DPP6: variants seen among roughly 807,000 people sequenced by gnomAD.
The protein encoded by DPP6 is dipeptidyl peptidase like 6.
In DPP6, 69 loss-of-function variants were observed where a neutral mutation model predicts 122.6. That is an observed-to-expected ratio of 0.56 (90% confidence interval 0.46 to 0.69). DPP6 has a LOEUF of 0.69. Among genes scored for constraint, DPP6 ranks in the 30% least tolerant of loss-of-function variants. The pLI is 0.00. For missense variants in DPP6, 928 were observed against 1,116.9 expected, an observed-to-expected ratio of 0.83 and a Z score of 2.41; for synonymous variants, 418 against 433.1, an observed-to-expected ratio of 0.97 and a Z score of 0.43.
chr7:154,051,868 C>A (rs2129061810), upstream of DPP6, among the ~76,000 whole-genome samples: 1 of 151,060 alleles, frequency 6.6e-6, no homozygotes, highest in Non-Finnish European at 1.5e-5. Flanking sequence ...GCCTCTTCAC[C>A]AGCGTCGTCC....
intron 9 of DPP6, among the ~76,000 whole-genome samples, chr7:154,770,560 G>A (rs576025264): frequency 5.3e-5 from 8 of 152,282 alleles, no homozygotes; most frequent in East Asian, 1.9e-4. Flanking sequence ...TTGGGCCCTC[G>A]CCAGATACTG....
chr7:154,770,697 G>A (rs1796200607), intron 9 of DPP6, among the ~76,000 whole-genome samples: 1 of 152,204 alleles, frequency 6.6e-6, no homozygotes, highest in South Asian at 2.1e-4. Flanking sequence ...AGACAGTCAT[G>A]TTCTGACCCA....
rs570334160 is a variant in DPP6, at chr7:154,718,170, G to C, written c.763-9597G>C. 1.4e-4 allele frequency among the ~76,000 whole-genome samples: 21 copies of C among 152,218 alleles called. No individual in the cohort carries two copies. In the East Asian group the frequency reaches 3.5e-3, roughly 25 times the overall value. On this transcript the variant is annotated intron_variant, in intron 7 of 25. Transcript: ENST00000377770. Reference sequence around the variant, plus strand: ...ATACTAACCCCTCGTCAGATGCGTCGTTTGCAGATATTTCCTCCCATTCTG... The same window carrying C: ...ATACTAACCCCTCGTCAGATGCGTCCTTTGCAGATATTTCCTCCCATTCTG...
At chr7:153,784,972 G>A in the DPP6 span, among the ~76,000 whole-genome samples, 1 of 152,176 alleles carries the variant, frequency 6.6e-6, no homozygotes, top group Non-Finnish European at 1.5e-5. Context: ...GGTTGCTGGG[G>A]CGAGAATGCA....
At chr7:154,867,327 T>A (rs1803966614) in intron 17 of DPP6, among the ~76,000 whole-genome samples, 1 of 152,190 alleles carries the variant, frequency 6.6e-6, no homozygotes, top group Non-Finnish European at 1.5e-5. Flanking sequence ...CGAGGACGTG[T>A]GTGTGCTGTC....
At chr7:153,865,922 G>C in the DPP6 span, among the ~76,000 whole-genome samples, 1 of 151,090 alleles carries the variant, frequency 6.6e-6, no homozygotes, top group Non-Finnish European at 1.5e-5. Flanking sequence ...TTGTCCTTGC[G>C]ATAGTTTGCT....
At chr7:153,862,887 C>T in the DPP6 span, among the ~76,000 whole-genome samples, 3 of 151,780 alleles carry the variant, frequency 2.0e-5, no homozygotes, top group African/African-American at 7.3e-5. Context: ...GGGTCAATTT[C>T]CTTAATGCAA....
At chr7:154,515,193 C>T (rs1289445491) in intron 3 of DPP6, among the ~76,000 whole-genome samples, 2 of 152,180 alleles carry the variant, frequency 1.3e-5, no homozygotes, top group Non-Finnish European at 2.9e-5. Context: ...GTTTACCTGG[C>T]TTACAAAGTC....
intron 1 of DPP6, among the ~76,000 whole-genome samples, chr7:153,964,424 G>A (rs1176647349): frequency 2.0e-5 from 3 of 152,114 alleles, no homozygotes; most frequent in East Asian, 1.9e-4. Flanking sequence ...TTCTGGAGAC[G>A]CTACCGCTTC....
intron 1 of DPP6, chr7:154,305,573 CGTGT>C (rs143438546): frequency 4.3e-5 from 67 of 1,541,314 alleles, no homozygotes; most frequent in South Asian, 1.6e-4. Context: ...TTTGGGGGTC[CGTGT>C]GTGTGTGTGT....
chr7:154,873,823 C>CACCT (rs1554492443), intron 19 of DPP6, among the ~76,000 whole-genome samples: 2 of 139,430 alleles, frequency 1.4e-5, no homozygotes, highest in Admixed American at 7.0e-5. Context: ...CATGCACACA[C>CACCT]GCATACATAA....
chr7:153,803,220 C>T, the DPP6 span, among the ~76,000 whole-genome samples: 2 of 149,310 alleles, frequency 1.3e-5, no homozygotes, highest in Non-Finnish European at 3.0e-5. Context: ...TTGTCCCTGG[C>T]ATATGCAAAC....
intron 1 of DPP6, among the ~76,000 whole-genome samples, chr7:154,310,324 C>G (rs535068726): frequency 6.6e-6 from 1 of 152,200 alleles, no homozygotes; most frequent in Non-Finnish European, 1.5e-5. Context: ...AGGCGGCATG[C>G]GCTGTGCTCT....
At chr7:154,892,196 G>A in intron 25 of DPP6, 138 bp from the exon 26 acceptor site, 1 of 1,185,448 alleles carries the variant, frequency 8.4e-7, no homozygotes, top group Non-Finnish European at 1.2e-6. Context: ...GAGTGGCATG[G>A]TTAGCAAACC....
intron 1 of DPP6, among the ~76,000 whole-genome samples, chr7:154,384,689 A>G (rs555402081): frequency 6.6e-6 from 1 of 152,204 alleles, no homozygotes; most frequent in African/African-American, 2.4e-5. Flanking sequence ...GTTCTGCAGT[A>G]ACACTTTGGC....
intron 4 of DPP6, among the ~76,000 whole-genome samples, chr7:154,554,462 G>T (rs1265758277): frequency 1.3e-5 from 2 of 151,918 alleles, no homozygotes; most frequent in African/African-American, 2.4e-5. Context: ...CAAATTGGGG[G>T]CATTCTATCA....
intron 1 of DPP6, among the ~76,000 whole-genome samples, chr7:154,041,484 G>A: frequency 6.6e-6 from 1 of 152,184 alleles, no homozygotes; most frequent in Non-Finnish European, 1.5e-5. Flanking sequence ...GATAGGATTG[G>A]CCTCTCTTAG....
intron 16 of DPP6, among the ~76,000 whole-genome samples, chr7:154,823,380 A>G (rs1351447519): frequency 1.3e-5 from 2 of 152,180 alleles, no homozygotes; most frequent in Non-Finnish European, 2.9e-5. Context: ...TAAAATAATA[A>G]TAACCATAAT....
At chr7:153,919,289 C>T (rs2901963) in intron 1 of DPP6, among the ~76,000 whole-genome samples, 113,354 of 152,020 alleles carry the variant, frequency 0.75, 42,503 homozygotes, top group East Asian at 0.92. Flanking sequence ...TGGGTTATGC[C>T]TTTCCCCTAG....
Sources: gnomAD v4.1 joint callset for allele counts (sites outside exome capture counted in the v4.1 genomes callset) on GRCh38, gnomAD v4.1.1 for gene constraint, MANE v1.5 for transcripts, NCBI Gene and HGNC (gene_info 2026-07-23, HGNC 2026-07-21) for gene names.